Variants in NRCAM observed in about 807,000 individuals in gnomAD.
The protein encoded by NRCAM is neuronal cell adhesion molecule, also known as NgCAM-related cell adhesion molecule.
In NRCAM, 83 loss-of-function variants were observed where a neutral mutation model predicts 156.5. That is an observed-to-expected ratio of 0.53 (90% CI 0.44 to 0.64). The LOEUF is 0.64. NRCAM is among the 30% of genes least tolerant of loss of function. The probability of loss-of-function intolerance (pLI) is 0.00; values close to 1 mark genes in which losing one functional copy is unlikely to be tolerated. For missense variants in NRCAM, 1,417 were observed against 1,597.3 expected, an observed-to-expected ratio of 0.89 and a Z score of 1.92; for synonymous variants, 538 against 563.9, an observed-to-expected ratio of 0.95 and a Z score of 0.65.
chr7:108,215,212 A>ATTTTT lies in NRCAM; in HGVS notation c.891-5612_891-5608dup, dbSNP rs71137615. ...CAGCAGGGTGTTAAAGTGTCCCACT[A>ATTTTT]TTTTTTTTTTTTTTTTTTGAGATGG... On this transcript the variant is annotated intron_variant, in intron 11 of 32. Coordinates refer to ENST00000379028, the MANE Select transcript of NRCAM (RefSeq NM_001037132.4). Among the ~76,000 whole-genome samples, 201 of 126,536 alleles carry ATTTTT rather than the reference A, an allele frequency of 1.6e-3. 3 individuals are homozygous for ATTTTT. The highest frequency in any genetic ancestry group is 5.7e-3 in the African/African-American group (191 of 33,440). The allele number at this position is 126,536 out of a possible 152,430, so 83.0% of individuals were successfully genotyped here.
In NRCAM at chr7:108,353,401, G is replaced by A. The variant is rs545464113; in HGVS notation, c.-173-40670C>T. ...AGGGTCTCACTCTGTCACCCAGGCT[G>A]GAATGCAGTGGTGTGATTGTGATCC... On this transcript the variant is annotated intron_variant, in intron 2 of 32. Coordinates refer to ENST00000379028, the MANE Select transcript of NRCAM (RefSeq NM_001037132.4). Among the ~76,000 whole-genome samples, 15 of 151,908 alleles carry A rather than the reference G, an allele frequency of 9.9e-5. No individual in the cohort carries two copies. In the East Asian group the frequency reaches 2.3e-3, roughly 24 times the overall value.
intron 3 of NRCAM, among the ~76,000 whole-genome samples, chr7:108,251,908 A>G (rs911040470): frequency 5.3e-5 from 8 of 152,132 alleles, no homozygotes. Flanking sequence ...GCATCACTAC[A>G]CTCCAGCGTG....
At chr7:108,252,812 G>C (rs2153920439) in intron 3 of NRCAM, among the ~76,000 whole-genome samples, 1 of 152,366 alleles carries the variant, frequency 6.6e-6, no homozygotes, top group Non-Finnish European at 1.5e-5. Context: ...CTGAGAGCAA[G>C]GGTATGGATG....
At position 108,175,319 on chromosome 7, in the gene NRCAM, T is replaced by C; in HGVS notation, c.3187+3A>G. 1 of 1,557,444 alleles carries C rather than the reference T, an allele frequency of 6.4e-7. No homozygotes were observed. Among genetic ancestry groups the C allele is most frequent in the Non-Finnish European group, 8.7e-7 (1 of 1,149,868 alleles). On this transcript the variant is annotated splice_donor_region_variant and intron_variant, in intron 28 of 32. Coordinates refer to ENST00000379028, the MANE Select transcript of NRCAM (RefSeq NM_001037132.4). Reference sequence around the variant, plus strand: ...ATAAAGTCATGCAGATGAATTATTTTACCTTTGCCTGCACCTACATCAGGT... The same window carrying C: ...ATAAAGTCATGCAGATGAATTATTTCACCTTTGCCTGCACCTACATCAGGT...
chr7:108,275,841 G>C (rs540589318), intron 3 of NRCAM, among the ~76,000 whole-genome samples: 6 of 152,180 alleles, frequency 3.9e-5, no homozygotes, highest in Non-Finnish European at 7.4e-5. Flanking sequence ...GTTGATTTTA[G>C]ATCTTTCCTG....
rs1274142978 is a variant in NRCAM, at chr7:108,182,826, A to G, written c.2399T>C (p.Val800Ala). Reference protein sequence around the residue: ...DGDDEWTSVVVANVSKYIVSG... With the variant: ...DGDDEWTSVVAANVSKYIVSG... ...GACAATATATTTGGATACATTTGCC[A>G]CAACCACAGATGTCCATTCATCATC... is the stretch of plus-strand genomic sequence containing the variant. Residue 800 changes from valine to alanine, a missense_variant, in exon 23 of 33, where the codon GTG becomes GCG. This residue lies in a region of NRCAM where 1,238 missense variants were observed against 1,336.4 expected (regional missense o/e 0.93). Coordinates refer to ENST00000379028, the MANE Select transcript of NRCAM (RefSeq NM_001037132.4). 1 of 1,614,134 alleles carries G rather than the reference A, an allele frequency of 6.2e-7. No individual in the cohort carries two copies. Among genetic ancestry groups the G allele is most frequent in the Non-Finnish European group, 8.5e-7 (1 of 1,180,050 alleles).
At chr7:108,317,086 C>A (rs924034101) in intron 2 of NRCAM, among the ~76,000 whole-genome samples, 22 of 152,316 alleles carry the variant, frequency 1.4e-4, no homozygotes, top group African/African-American at 5.3e-4. Context: ...AGTTGCACAG[C>A]ATGGCCTTTG....
At position 108,264,228 on chromosome 7, in the gene NRCAM, G is replaced by C. The variant is rs193095337; in HGVS notation, c.-106-24058C>G. Among the ~76,000 whole-genome samples, 3 of 152,274 alleles carry C rather than the reference G, an allele frequency of 2.0e-5. No homozygotes were observed. In the East Asian group the frequency reaches 5.8e-4, roughly 29 times the overall value. On this transcript the variant is annotated intron_variant, in intron 3 of 32. Transcript: ENST00000379028. ...TGACCTCAAATGATCTGCCCGCTTT[G>C]GCTTCCCAAAGCACTGGGACTATAG... is the stretch of plus-strand genomic sequence containing the variant.
Position 108,389,305 on chromosome 7 carries a change from T to G in NRCAM, c.-174+10131A>C, listed in dbSNP as rs573063632. Among the ~76,000 whole-genome samples, 155 of 152,320 alleles carry G rather than the reference T, an allele frequency of 1.0e-3. 3 individuals are homozygous for G. The South Asian group carries it at 0.028, about 28-fold the overall frequency. On this transcript the variant is annotated intron_variant, in intron 2 of 32. Transcript: ENST00000379028. ...TTGTAAGTTGGATTCCTAGGTATTT[T>G]ACTCTCTTTGAAGCAATTGTGAATG...
At chr7:108,221,942 C>CAAAAA (rs5886446) in intron 11 of NRCAM, among the ~76,000 whole-genome samples, 1 of 143,934 alleles carries the variant, frequency 6.9e-6, no homozygotes, top group Non-Finnish European at 1.5e-5. Context: ...ATGGTTCAAG[C>CAAAAA]AAAAAAAAAA....
At chr7:108,236,258 A>G (rs2094980337) in intron 5 of NRCAM, among the ~76,000 whole-genome samples, 1 of 152,206 alleles carries the variant, frequency 6.6e-6, no homozygotes, top group African/African-American at 2.4e-5. Context: ...GCCATCCACA[A>G]GACATCTTTT....
At chr7:108,444,481 C>A (rs530516809) in intron 1 of NRCAM, among the ~76,000 whole-genome samples, 1 of 152,194 alleles carries the variant, frequency 6.6e-6, no homozygotes, top group Non-Finnish European at 1.5e-5. Context: ...GCTTACACAA[C>A]AGAAGTTTAT....
intron 2 of NRCAM, among the ~76,000 whole-genome samples, chr7:108,330,813 T>G (rs1170650635): frequency 6.6e-6 from 1 of 152,160 alleles, no homozygotes; most frequent in East Asian, 1.9e-4. Context: ...TATTTTATCA[T>G]CTGGTTTAAC....
chr7:108,320,485 A>G (rs1242321584), intron 2 of NRCAM, among the ~76,000 whole-genome samples: 2 of 151,088 alleles, frequency 1.3e-5, no homozygotes, highest in Non-Finnish European at 3.0e-5. Context: ...GTACTATTAT[A>G]TAATCTACTA....
chr7:108,173,416 G>A (rs980502965), intron 28 of NRCAM, among the ~76,000 whole-genome samples: 8 of 152,140 alleles, frequency 5.3e-5, no homozygotes, highest in African/African-American at 1.9e-4. Context: ...GGAGGATAGT[G>A]GAGAACTTCA....
At chr7:108,434,694 T>C (rs1446793744) in intron 1 of NRCAM, among the ~76,000 whole-genome samples, 2 of 152,164 alleles carry the variant, frequency 1.3e-5, no homozygotes, top group East Asian at 3.9e-4. Flanking sequence ...GGAAGCCTTA[T>C]TGGCTGGAGG....
At chr7:108,295,787 A>T (rs1340305489) in intron 3 of NRCAM, among the ~76,000 whole-genome samples, 1 of 152,228 alleles carries the variant, frequency 6.6e-6, no homozygotes, top group Non-Finnish European at 1.5e-5. Context: ...TCATGAGTGG[A>T]GAACAGCATT....
At position 108,207,590 on chromosome 7, in the gene NRCAM, C is replaced by T. The variant is rs2081844425; in HGVS notation, c.1145G>A (p.Cys382Tyr). ...GGGTTTGGGGTTGCCATTAGCTCTG[C>T]AGATCAAGGTCCCATCCTCTCCTGG... ...LSPGEDGTLICRANGNPKPRI... is the reference protein window; with the variant it reads ...LSPGEDGTLIYRANGNPKPRI... Residue 382 changes from cysteine (C) to tyrosine (Y), a missense_variant, in exon 13 of 33, where the codon TGC becomes TAC. By Grantham distance (194) the Cys-to-Tyr change is radical. Coordinates refer to ENST00000379028, the MANE Select transcript of NRCAM (RefSeq NM_001037132.4). 6.2e-7 allele frequency: 1 copy of T among 1,613,774 alleles called. No individual in the cohort carries two copies. The highest frequency in any genetic ancestry group is 8.5e-7 in the Non-Finnish European group (1 of 1,179,844).
At chr7:108,302,118 T>C (rs1292957239) in intron 3 of NRCAM, among the ~76,000 whole-genome samples, 1 of 151,952 alleles carries the variant, frequency 6.6e-6, no homozygotes, top group Admixed American at 6.6e-5. Context: ...TATATTTCAC[T>C]CAAATTTGTC....
Sources: allele counts gnomAD v4.1 joint callset (sites outside exome capture counted in the v4.1 genomes callset), GRCh38; gene constraint gnomAD v4.1.1; regional missense constraint gnomAD v4.1.1; transcripts MANE v1.5; gene names NCBI Gene and HGNC (gene_info 2026-07-23, HGNC 2026-07-21).